Variants in CNTN4 observed in about 807,000 individuals in gnomAD.
CNTN4 encodes contactin 4, also known as contactin-4.
Under a neutral mutation model 122.5 loss-of-function variants are expected in CNTN4, and 77 were observed. That is an observed-to-expected ratio of 0.63 (90% CI 0.52 to 0.76). The LOEUF is 0.76. CNTN4 is among the 30% of genes least tolerant of loss of function. The pLI, the probability that CNTN4 is intolerant of heterozygous loss-of-function variation, is 0.00. For missense variants in CNTN4, 1,256 were observed against 1,259.1 expected (o/e 1.00, Z 0.04); for synonymous variants, 512 against 447.0 (o/e 1.15, Z -1.83).
rs112663541 is a variant in CNTN4 at position 2,918,661 on chromosome 3, T to TCTG, written c.1208-6968_1208-6967insCTG. 3.3e-4 allele frequency among the ~76,000 whole-genome samples: 50 copies of TCTG among 152,330 alleles called. No homozygotes were observed. In the South Asian group the frequency reaches 0.01, roughly 32 times the overall value. On this transcript the variant is annotated intron_variant, in intron 12 of 24. Coordinates refer to ENST00000418658, the MANE Select transcript of CNTN4 (RefSeq NM_175607.3). ...CAAACCAAATTCTTTGGTGTTTTAT[T>TCTG]TTATTGTTTTGTTTTATTTAGAGAG... is the stretch of plus-strand genomic sequence containing the variant.
chr3:2,459,817 A>G (rs1387179976), intron 3 of CNTN4, among the ~76,000 whole-genome samples: 1 of 152,196 alleles, frequency 6.6e-6, no homozygotes, highest in Non-Finnish European at 1.5e-5. Flanking sequence ...ATATAAGAGG[A>G]TGATCTGATT....
At chr3:3,048,232 A>G (rs1700877957) in intron 23 of CNTN4, among the ~76,000 whole-genome samples, 1 of 82,800 alleles carries the variant, frequency 1.2e-5, no homozygotes, top group Admixed American at 1.1e-4. Context: ...AATATTCAGG[A>G]AAAAAAACAC....
At chr3:2,957,608 C>G (rs1446404935) in intron 13 of CNTN4, among the ~76,000 whole-genome samples, 2 of 152,126 alleles carry the variant, frequency 1.3e-5, no homozygotes, top group Non-Finnish European at 2.9e-5. Context: ...CTTCCCCACT[C>G]TAACAGTTCC....
chr3:2,774,063 AT>A (rs1365991600), intron 6 of CNTN4, among the ~76,000 whole-genome samples: 1 of 152,014 alleles, frequency 6.6e-6, no homozygotes, highest in East Asian at 1.9e-4. Context: ...CCCAGCCTCG[AT>A]TTAGTAGACT....
At chr3:2,337,776 A>G (rs2044014815) in intron 2 of CNTN4, among the ~76,000 whole-genome samples, 1 of 151,848 alleles carries the variant, frequency 6.6e-6, no homozygotes. Context: ...AATATATATG[A>G]CAAATTTTTA....
At chr3:2,959,855 T>G (rs1409158844) in intron 13 of CNTN4, among the ~76,000 whole-genome samples, 1 of 152,158 alleles carries the variant, frequency 6.6e-6, no homozygotes, top group African/African-American at 2.4e-5. Context: ...TAAAACCAGC[T>G]TAAATAACTT....
At chr3:2,830,842 A>G (rs1267766382) in intron 7 of CNTN4, among the ~76,000 whole-genome samples, 1 of 152,180 alleles carries the variant, frequency 6.6e-6, no homozygotes, top group Non-Finnish European at 1.5e-5. Context: ...AGGTCAGTGC[A>G]TTAAGCAGGA....
chr3:2,137,885 A>G (rs147742963), intron 2 of CNTN4, among the ~76,000 whole-genome samples: 183 of 152,190 alleles, frequency 1.2e-3, no homozygotes, highest in Admixed American at 2.2e-3. Context: ...CCACTATGTA[A>G]ACACTGCTCC....
intron 2 of CNTN4, among the ~76,000 whole-genome samples, chr3:2,300,509 C>G (rs894186884): frequency 6.9e-6 from 1 of 144,094 alleles, no homozygotes; most frequent in East Asian, 2.1e-4. Flanking sequence ...AGTCCTTGCT[C>G]TTTCCATTTA....
chr3:2,889,814 G>A (rs901137623), intron 10 of CNTN4, among the ~76,000 whole-genome samples: 64 of 152,172 alleles, frequency 4.2e-4, no homozygotes, highest in South Asian at 1.5e-3. Flanking sequence ...ACCAGGGGTC[G>A]GCATACTGCT....
At position 2,729,261 on chromosome 3, in the gene CNTN4, TA is replaced by T. The variant is rs527737449; in HGVS notation, c.56-6952del. ...GGGTAGTTTTTCTTCACTGGGATCC[TA>T]ACCTGTTTAGAAATGAAAGTGGCCG... On this transcript the variant is annotated intron_variant, in intron 4 of 24. Coordinates refer to ENST00000418658, the MANE Select transcript of CNTN4 (RefSeq NM_175607.3). 4.4e-3 allele frequency among the ~76,000 whole-genome samples: 670 copies of T among 152,236 alleles called. 2 individuals carry two copies. The highest frequency in any genetic ancestry group is 6.7e-3 in the Non-Finnish European group (454 of 67,996).
intron 23 of CNTN4, among the ~76,000 whole-genome samples, chr3:3,052,475 A>C (rs1701363041): frequency 6.6e-6 from 1 of 152,204 alleles, no homozygotes; most frequent in Non-Finnish European, 1.5e-5. Context: ...AATGGTTCTA[A>C]CATGCAGCCA....
At chr3:2,563,762 A>G (rs2079049083) in intron 3 of CNTN4, among the ~76,000 whole-genome samples, 1 of 152,196 alleles carries the variant, frequency 6.6e-6, no homozygotes, top group Non-Finnish European at 1.5e-5. Flanking sequence ...TATATGTCCA[A>G]ATAAATAATA....
At chr3:2,324,835 C>T (rs1040618867) in intron 2 of CNTN4, among the ~76,000 whole-genome samples, 3 of 152,068 alleles carry the variant, frequency 2.0e-5, no homozygotes, top group Non-Finnish European at 2.9e-5. Flanking sequence ...TTTCCAACCT[C>T]GCAAACAATC....
intron 4 of CNTN4, among the ~76,000 whole-genome samples, chr3:2,672,409 G>C (rs910007628): frequency 6.6e-6 from 1 of 152,168 alleles, no homozygotes; most frequent in Non-Finnish European, 1.5e-5. Flanking sequence ...AGGACCCTCC[G>C]AGCCATGCGC....
intron 8 of CNTN4, among the ~76,000 whole-genome samples, chr3:2,878,553 CTGTG>C (rs60925207): frequency 0.19 from 27,158 of 146,670 alleles, 2,560 homozygotes; most frequent in Admixed American, 0.25. Context: ...GAGATGCTCT[CTGTG>C]TGTGTGTGTG....
intron 14 of CNTN4, among the ~76,000 whole-genome samples, chr3:3,019,024 C>T (rs1382071028): frequency 6.6e-6 from 1 of 152,078 alleles, no homozygotes; most frequent in Non-Finnish European, 1.5e-5. Context: ...TGTATTACCA[C>T]CTGTCAAAAG....
At chr3:2,710,799 C>G (rs1392119842) in intron 4 of CNTN4, among the ~76,000 whole-genome samples, 1 of 152,180 alleles carries the variant, frequency 6.6e-6, no homozygotes, top group African/African-American at 2.4e-5. Context: ...AGTAAACACA[C>G]AGAACAGCTC....
At chr3:2,486,169 T>C (rs548583791) in intron 3 of CNTN4, among the ~76,000 whole-genome samples, 1 of 152,210 alleles carries the variant, frequency 6.6e-6, no homozygotes, top group South Asian at 2.1e-4. Context: ...TGCGAAGGTC[T>C]GCAGTTTCAC....
Sources: allele counts gnomAD v4.1 joint callset (sites outside exome capture counted in the v4.1 genomes callset), GRCh38; gene constraint gnomAD v4.1.1; transcripts MANE v1.5; gene names NCBI Gene and HGNC (gene_info 2026-07-23, HGNC 2026-07-21).